RBFOX1: variants seen among roughly 807,000 people sequenced by gnomAD.
The protein encoded by RBFOX1 is RNA binding fox-1 homolog 1.
A neutral mutation model predicts 57.7 loss-of-function variants in RBFOX1; 8 were observed. That is an observed-to-expected ratio of 0.14 (90% CI 0.08 to 0.25). The LOEUF (loss-of-function observed/expected upper bound fraction) is 0.25, where lower values mean the gene tolerates loss of function less well. Among genes scored for constraint, RBFOX1 ranks in the 10% least tolerant of loss-of-function variants. RBFOX1 has a pLI of 1.00. For synonymous variants in RBFOX1, 326 were observed against 222.4 expected (o/e 1.47, Z -4.15); for missense variants, 611 against 548.5 (o/e 1.11, Z -1.14).
intron 13 of RBFOX1, among the ~76,000 whole-genome samples, chr16:7,669,295 T>G (rs1180972607): frequency 1.3e-5 from 2 of 152,012 alleles, no homozygotes; most frequent in Non-Finnish European, 2.9e-5. Flanking sequence ...TTGGTTGACC[T>G]TCTCAGAAAG....
chr16:7,302,729 A>C (rs1245139043), intron 4 of RBFOX1, among the ~76,000 whole-genome samples: 1 of 143,490 alleles, frequency 7.0e-6, no homozygotes, highest in South Asian at 2.3e-4. Flanking sequence ...GCTGCCAAGA[A>C]TGCAAGAATG....
intron 2 of RBFOX1, among the ~76,000 whole-genome samples, chr16:5,540,492 T>C (rs991033476): frequency 6.6e-6 from 1 of 152,198 alleles, no homozygotes; most frequent in African/African-American, 2.4e-5. Context: ...ATATTACACA[T>C]TTTTCTATGG....
rs12445840 is a variant in RBFOX1 at position 6,245,951 on chromosome 16, C to A, written c.-126-71044C>A. On this transcript the variant is annotated intron_variant, in intron 1 of 15. Transcript: ENST00000550418. ...TTAAGCCTACTCAAACTATTTCAGT[C>A]AAAATATGCAGTTTACTTTTCCCTC... Among the ~76,000 whole-genome samples the A allele has an allele frequency of 1.2e-3, 184 of 152,276 alleles. 2 individuals carry two copies. The highest frequency in any genetic ancestry group is 3.4e-3 in the Middle Eastern group (1 of 294).
intron 2 of RBFOX1, among the ~76,000 whole-genome samples, chr16:6,501,774 A>C (rs2095938586): frequency 6.6e-6 from 1 of 151,904 alleles, no homozygotes; most frequent in Admixed American, 6.6e-5. Context: ...TTCTTTTCTA[A>C]ACTGCTAAAA....
intron 3 of RBFOX1, among the ~76,000 whole-genome samples, chr16:6,948,896 C>G (rs911320585): frequency 6.6e-6 from 1 of 152,170 alleles, no homozygotes; most frequent in African/African-American, 2.4e-5. Flanking sequence ...ACAGCATCCT[C>G]TGACTGTCAA....
intron 3 of RBFOX1, among the ~76,000 whole-genome samples, chr16:6,897,099 C>G (rs1273437943): frequency 6.6e-6 from 1 of 152,078 alleles, no homozygotes; most frequent in African/African-American, 2.4e-5. Context: ...ATGGATGGGG[C>G]TATTTATATT....
chr16:5,335,068 G>C (rs1408974176), intron 1 of RBFOX1, among the ~76,000 whole-genome samples: 1 of 152,110 alleles, frequency 6.6e-6, no homozygotes, highest in Non-Finnish European at 1.5e-5. Flanking sequence ...TTCAATTTCT[G>C]TGCTCACTGG....
At chr16:6,590,038 G>C (rs950179615) in intron 2 of RBFOX1, among the ~76,000 whole-genome samples, 5 of 151,952 alleles carry the variant, frequency 3.3e-5, no homozygotes, top group Admixed American at 2.0e-4. Context: ...GGGATCTCTT[G>C]GCCAAAAAGA....
At chr16:7,241,343 C>T (rs112247854) in intron 4 of RBFOX1, among the ~76,000 whole-genome samples, 2,056 of 152,222 alleles carry the variant, frequency 0.014, 22 homozygotes, top group Non-Finnish European at 0.023. Context: ...CACCTCCTGG[C>T]CCGTTGGACT....
intron 5 of RBFOX1, among the ~76,000 whole-genome samples, chr16:7,575,900 C>T (rs1055657708): frequency 2.6e-5 from 4 of 152,108 alleles, no homozygotes; most frequent in African/African-American, 9.7e-5. Context: ...TTTCATCCTT[C>T]CCACTATCCT....
intron 4 of RBFOX1, among the ~76,000 whole-genome samples, chr16:7,182,144 C>G (rs1012735593): frequency 2.6e-5 from 4 of 152,098 alleles, no homozygotes; most frequent in African/African-American, 9.7e-5. Context: ...TAAAATGAAA[C>G]CTATTAGGTA....
At chr16:6,955,900 T>G (rs1158088262) in intron 3 of RBFOX1, among the ~76,000 whole-genome samples, 1 of 152,066 alleles carries the variant, frequency 6.6e-6, no homozygotes, top group African/African-American at 2.4e-5. Context: ...GAGATGGGGT[T>G]TCACCATGTT....
intron 1 of RBFOX1, among the ~76,000 whole-genome samples, chr16:5,453,235 T>G (rs2068482549): frequency 6.6e-6 from 1 of 152,198 alleles, no homozygotes; most frequent in African/African-American, 2.4e-5. Flanking sequence ...ACATGGTCCT[T>G]GACCTCCTCA....
intron 1 of RBFOX1, among the ~76,000 whole-genome samples, chr16:6,261,182 T>A (rs2097699397): frequency 6.6e-6 from 1 of 152,192 alleles, no homozygotes. Flanking sequence ...TGCAAGGAGT[T>A]TGGCTTTCAC....
Position 6,973,582 on chromosome 16 carries a change from A to G in RBFOX1, c.-15-78475A>G, listed in dbSNP as rs143346035. On this transcript the variant is annotated intron_variant, in intron 3 of 15. Transcript: ENST00000550418. ...TGTTTATTTCTTTCTTCCCGAGGGGATTGTAAATGGTGAGGACTTTTTATT... is the reference window on the plus strand; with the variant it reads ...TGTTTATTTCTTTCTTCCCGAGGGGGTTGTAAATGGTGAGGACTTTTTATT... Among the ~76,000 whole-genome samples the G allele has an allele frequency of 1.7e-3, 265 of 152,062 alleles. 3 individuals are homozygous for G. The highest frequency in any genetic ancestry group is 6.2e-3 in the African/African-American group (256 of 41,490).
intron 1 of RBFOX1, among the ~76,000 whole-genome samples, chr16:5,372,141 G>C (rs1301036303): frequency 6.6e-6 from 1 of 152,162 alleles, no homozygotes; most frequent in Non-Finnish European, 1.5e-5. Context: ...AGGCATTCTT[G>C]AACTGCCTTT....
chr16:6,656,146 G>A (rs2098649669), intron 3 of RBFOX1, among the ~76,000 whole-genome samples: 1 of 152,164 alleles, frequency 6.6e-6, no homozygotes, highest in African/African-American at 2.4e-5. Context: ...CTGCTTAGGT[G>A]AAGCGTGTGT....
chr16:6,648,508 G>A (rs775601088), intron 2 of RBFOX1, among the ~76,000 whole-genome samples: 8 of 152,110 alleles, frequency 5.3e-5, no homozygotes, highest in South Asian at 2.1e-4. Context: ...CTAGTGCCGT[G>A]AGTCTAATGC....
intron 1 of RBFOX1, among the ~76,000 whole-genome samples, chr16:6,045,586 C>T (rs1288042093): frequency 3.9e-5 from 6 of 152,154 alleles, no homozygotes; most frequent in Admixed American, 1.3e-4. Flanking sequence ...GGCATCTTTT[C>T]GGTGCTGAGA....
Sources: allele counts gnomAD v4.1 joint callset (sites outside exome capture counted in the v4.1 genomes callset), GRCh38; gene constraint gnomAD v4.1.1; transcripts MANE v1.5; gene names NCBI Gene and HGNC (gene_info 2026-07-23, HGNC 2026-07-21).